The following TIPARP variants were observed in gnomAD, a reference collection of about 807,000 sequenced individuals.
The protein encoded by TIPARP is protein mono-ADP-ribosyltransferase TIPARP.
In TIPARP, 12 loss-of-function variants were observed where a neutral mutation model predicts 56.5. The observed-to-expected ratio is 0.21, with a 90% CI of 0.14 to 0.34. The LOEUF (loss-of-function observed/expected upper bound fraction) is 0.34. Ranked by LOEUF, TIPARP falls within the 10% of genes least tolerant of loss-of-function variation. The pLI is 1.00. For missense variants in TIPARP, 604 were observed against 781.6 expected (o/e 0.77, Z 2.71); for synonymous variants, 296 against 265.7 (o/e 1.11, Z -1.11).
rs377368140 is a variant in TIPARP at position 156,703,496 on chromosome 3, A to G, written c.1320A>G (p.Pro440=). 3.7e-6 allele frequency: 6 copies of G among 1,614,116 alleles called. No individual in the cohort carries two copies. Among genetic ancestry groups the G allele is most frequent in the Non-Finnish European group, 5.1e-6 (6 of 1,180,052 alleles). ...CTTCATCATCACAAATTATCTGCCCAGATGGGGTCACTTCAGCAAACTTTT... is the reference window on the plus strand; with the variant it reads ...CTTCATCATCACAAATTATCTGCCCGGATGGGGTCACTTCAGCAAACTTTT... The part of the protein sequence containing the change: ...EATSSSQIIC[P]DGVTSANFYP... The change falls in exon 5 of 6, where the codon CCA becomes CCG. Residue 440 remains proline (P), a synonymous_variant. Transcript: ENST00000295924.
intron 2 of TIPARP, among the ~76,000 whole-genome samples, chr3:156,683,274 C>A (rs1252725051): frequency 1.3e-5 from 2 of 151,932 alleles, no homozygotes; most frequent in Non-Finnish European, 2.9e-5. Flanking sequence ...TGAGTTGAAT[C>A]CAAAGCTCTT....
chr3:156,700,029 A>G (rs1474477923), intron 4 of TIPARP, among the ~76,000 whole-genome samples: 2 of 152,138 alleles, frequency 1.3e-5, no homozygotes, highest in African/African-American at 4.8e-5. Context: ...TAGCCAGGGA[A>G]AATGTTTCTT....
rs753797387 is a variant in TIPARP, at chr3:156,705,163, G to T, written c.*32G>T. The T allele has an allele frequency of 1.1e-6, 1 of 951,812 alleles. No homozygotes were observed. Among genetic ancestry groups the T allele is most frequent in the Non-Finnish European group, 1.5e-6 (1 of 678,118 alleles). 59.0% of individuals were successfully genotyped at this position (951,812 alleles called of 1,614,324 possible). On this transcript the variant is annotated 3_prime_UTR_variant, in exon 6 of 6. Coordinates refer to ENST00000295924, the MANE Select transcript of TIPARP (RefSeq NM_015508.5). ...TTGGTACTGCTAAATTATTTGATATGAACTCAATCCAGCATTTGTAGCAGG... is the reference window on the plus strand; with the variant it reads ...TTGGTACTGCTAAATTATTTGATATTAACTCAATCCAGCATTTGTAGCAGG...
At chr3:156,696,075 G>C in intron 4 of TIPARP, 50 bp downstream of exon 4, 1 of 1,565,424 alleles carries the variant, frequency 6.4e-7, no homozygotes, top group East Asian at 2.3e-5. Context: ...TTATGTAAAT[G>C]CATTCCTGAA....
intron 2 of TIPARP, among the ~76,000 whole-genome samples, chr3:156,688,808 G>A (rs536375626): frequency 2.5e-4 from 38 of 152,096 alleles, no homozygotes; most frequent in Non-Finnish European, 5.1e-4. Flanking sequence ...CTTTAGCAGC[G>A]GCAAACATAT....
intron 4 of TIPARP, 127 bp from the exon 5 acceptor site, chr3:156,703,297 A>T: frequency 2.0e-6 from 2 of 996,414 alleles, no homozygotes; most frequent in Non-Finnish European, 2.8e-6. Flanking sequence ...AGCATTTTTT[A>T]CTTTTAAAAT....
chr3:156,683,378 T>C (rs188474867), intron 2 of TIPARP, among the ~76,000 whole-genome samples: 183 of 152,320 alleles, frequency 1.2e-3, no homozygotes, highest in African/African-American at 4.2e-3. Context: ...ATTTTGGATT[T>C]TGGAATATTT....
At position 156,678,330 on chromosome 3, in the gene TIPARP, T is replaced by C; in HGVS notation, c.633T>C (p.Phe211=). 6.2e-7 allele frequency: 1 copy of C among 1,614,224 alleles called. No homozygotes were observed. The highest frequency in any genetic ancestry group is 2.2e-5 in the East Asian group (1 of 44,890). ...GTGATAAGCTGAGTACTGAGCTCTT[T>C]CAGGACAAAAGTGAAGAGGCTTCCC... ...DTSDKLSTEL[F]QDKSEEASLD... is the part of the protein sequence containing the mutation. The change falls in exon 2 of 6, where the codon TTT becomes TTC. Residue 211 remains phenylalanine (F), a synonymous_variant. Transcript: ENST00000295924.
At chr3:156,695,716 C>T in intron 3 of TIPARP, 149 bp from the exon 4 acceptor site, 2 of 1,116,114 alleles carry the variant, frequency 1.8e-6, no homozygotes, top group Non-Finnish European at 2.4e-6. Context: ...GAAAAAAAAT[C>T]TTAGCATATA....
At position 156,681,127 on chromosome 3, in the gene TIPARP, A is replaced by C. The variant is rs1254281417; in HGVS notation, c.917+2513A>C. 5 of 456,604 alleles carry C rather than the reference A, an allele frequency of 1.1e-5. No homozygotes were observed. In the Admixed American group the frequency reaches 1.2e-4, roughly 11 times the overall value. The allele number at this position is 456,604 out of a possible 1,614,324, so 28.3% of individuals were successfully genotyped here. A position where few individuals can be genotyped will look rare whatever the true frequency, so the allele number is the denominator to read the frequency against. ...AGCGATGTTGTGTTTCCTGGCAACA[A>C]GATGCAGATAACGGCATGTTGAGCC... On this transcript the variant is annotated intron_variant, in intron 2 of 5. Coordinates refer to ENST00000295924, the MANE Select transcript of TIPARP (RefSeq NM_015508.5).
chr3:156,684,874 C>A (rs1722393680), intron 2 of TIPARP, among the ~76,000 whole-genome samples: 1 of 152,166 alleles, frequency 6.6e-6, no homozygotes, highest in African/African-American at 2.4e-5. Context: ...AAACGTTAAA[C>A]CTAATCCACC....
At chr3:156,684,960 C>T (rs1055149637) in intron 2 of TIPARP, among the ~76,000 whole-genome samples, 4 of 152,258 alleles carry the variant, frequency 2.6e-5, no homozygotes, top group South Asian at 2.1e-4. Flanking sequence ...TTTGAAATTA[C>T]AAGTGGTAGG....
chr3:156,703,701 A>G lies in TIPARP; in HGVS notation c.1525A>G (p.Arg509Gly). 1 of 1,607,980 alleles carries G rather than the reference A, an allele frequency of 6.2e-7. No homozygotes were observed. The highest frequency in any genetic ancestry group is 8.5e-7 in the Non-Finnish European group (1 of 1,178,734). Residue 509 changes from arginine to glycine, a missense_variant and splice_region_variant, in exon 5 of 6, where the codon AGG becomes GGG. By Grantham distance (125) the Arg-to-Gly change is moderately radical (BLOSUM62 -2). Coordinates refer to ENST00000295924, the MANE Select transcript of TIPARP (RefSeq NM_015508.5). ...CCAGTTTCTTTGGGAGAAATATAAA[A>G]GGTGAGTCAGATGTATGAAAAGTTC... ...QNQFLWEKYKRKKEYMNRKMF... is the reference protein window; with the variant it reads ...QNQFLWEKYKGKKEYMNRKMF...
At chr3:156,701,331 T>A (rs1412594049) in intron 4 of TIPARP, among the ~76,000 whole-genome samples, 1 of 152,208 alleles carries the variant, frequency 6.6e-6, no homozygotes, top group African/African-American at 2.4e-5. Flanking sequence ...AGGGGCAGAA[T>A]CTCTTCTGTT....
At chr3:156,696,092 A>AGG in intron 4 of TIPARP, 67 bp downstream of exon 4, 1 of 1,520,336 alleles carries the variant, frequency 6.6e-7, no homozygotes, top group Non-Finnish European at 8.8e-7. Context: ...TGAATACTAG[A>AGG]GATAAAAAAT....
chr3:156,691,436 A>C (rs951391680), intron 2 of TIPARP, among the ~76,000 whole-genome samples: 1 of 152,212 alleles, frequency 6.6e-6, no homozygotes, highest in East Asian at 1.9e-4. Flanking sequence ...TTTGGCTTAC[A>C]TTTTGTTAGT....
At chr3:156,700,536 C>G (rs539021712) in intron 4 of TIPARP, among the ~76,000 whole-genome samples, 4 of 152,140 alleles carry the variant, frequency 2.6e-5, no homozygotes, top group Non-Finnish European at 4.4e-5. Flanking sequence ...AATGAATTTT[C>G]TACAAATTCA....
In TIPARP at chr3:156,704,670, G is replaced by T; in HGVS notation, c.1527-14G>T. 6.2e-7 allele frequency: 1 copy of T among 1,602,978 alleles called. No homozygotes were observed. The highest frequency in any genetic ancestry group is 8.5e-7 in the Non-Finnish European group (1 of 1,173,802). On this transcript the variant is annotated splice_polypyrimidine_tract_variant and intron_variant, in intron 5 of 5. Transcript: ENST00000295924. ...TTTCATCCTTCTGAATTCTCTGTCT[G>T]TTCTTTCCATTAGGAAAAAGGAATA...
intron 2 of TIPARP, among the ~76,000 whole-genome samples, chr3:156,693,814 G>A (rs1040696867): frequency 1.3e-5 from 2 of 152,252 alleles, no homozygotes; most frequent in Non-Finnish European, 2.9e-5. Flanking sequence ...AGAAATTTTG[G>A]TCTTGATTAG....
Sources: allele counts gnomAD v4.1 joint callset (sites outside exome capture counted in the v4.1 genomes callset), GRCh38; gene constraint gnomAD v4.1.1; transcripts MANE v1.5; gene names NCBI Gene and HGNC (gene_info 2026-07-23, HGNC 2026-07-21).